The following PRMT8 variants were observed in gnomAD, a reference collection of about 807,000 sequenced individuals.
The protein encoded by PRMT8 is protein arginine N-methyltransferase 8.
A neutral mutation model predicts 47.1 loss-of-function variants in PRMT8; 7 were observed. The observed-to-expected ratio is 0.15, with a 90% CI of 0.08 to 0.28. PRMT8 has a LOEUF of 0.28. PRMT8 is among the 10% of genes least tolerant of loss of function. PRMT8 has a pLI of 1.00. For synonymous variants in PRMT8, 188 were observed against 186.5 expected, an observed-to-expected ratio of 1.01 and a Z score of -0.07; for missense variants, 237 against 505.4, an observed-to-expected ratio of 0.47 and a Z score of 5.09.
At chr12:3,398,320 C>T (rs1246451639) in intron 1 of PRMT8, among the ~76,000 whole-genome samples, 9 of 152,076 alleles carry the variant, frequency 5.9e-5, no homozygotes, top group African/African-American at 2.2e-4. Context: ...GGGATTCAGC[C>T]CATTAGGTTT....
At chr12:3,469,281 A>T (rs894287665) in intron 1 of PRMT8, 7 of 432,054 alleles carry the variant, frequency 1.6e-5, no homozygotes, top group Non-Finnish European at 3.2e-5. Flanking sequence ...CACGACCCCC[A>T]CCAAAGCCCA....
intron 1 of PRMT8, among the ~76,000 whole-genome samples, chr12:3,427,490 A>AT (rs1466375440): frequency 6.6e-6 from 1 of 152,136 alleles, no homozygotes; most frequent in African/African-American, 2.4e-5. Context: ...TCAAAACAAA[A>AT]TTTTTTAACC....
In PRMT8 at chr12:3,550,160, G is replaced by C. The variant is rs904251975; in HGVS notation, c.417+69G>C. On this transcript the variant is annotated intron_variant, in intron 3 of 9. Transcript: ENST00000382622. The surrounding 1 kb of genome is among the most constrained non-coding windows in gnomAD (Gnocchi z 5.1). Reference sequence around the variant, plus strand: ...AGCCTCTTGCCCTCTGCCTCCACCCGCCCTTCTAGAAGTACAAAATTTGGT... The same window carrying C: ...AGCCTCTTGCCCTCTGCCTCCACCCCCCCTTCTAGAAGTACAAAATTTGGT... The C allele has an allele frequency of 5.1e-6, 8 of 1,581,282 alleles. No homozygotes were observed. Among genetic ancestry groups the C allele is most frequent in the Non-Finnish European group, 6.9e-6 (8 of 1,158,016 alleles).
At chr12:3,391,057 G>A (rs1227680382) in intron 1 of PRMT8, among the ~76,000 whole-genome samples, 1 of 152,186 alleles carries the variant, frequency 6.6e-6, no homozygotes, top group Non-Finnish European at 1.5e-5. Context: ...TGGGCTCTGA[G>A]GGGATTCACC....
chr12:3,441,744 A>G (rs1210753067), intron 1 of PRMT8, among the ~76,000 whole-genome samples: 1 of 152,248 alleles, frequency 6.6e-6, no homozygotes, highest in East Asian at 1.9e-4. Flanking sequence ...TATTCGTGCA[A>G]TGTAATTGGG....
intron 1 of PRMT8, among the ~76,000 whole-genome samples, chr12:3,400,542 A>G (rs1163593140): frequency 6.6e-6 from 1 of 152,214 alleles, no homozygotes; most frequent in Admixed American, 6.5e-5. Flanking sequence ...GAAAAAGCCC[A>G]GGACCAGAGG....
At chr12:3,507,875 C>T (rs1351367237) in intron 1 of PRMT8, among the ~76,000 whole-genome samples, 2 of 151,768 alleles carry the variant, frequency 1.3e-5, no homozygotes, top group African/African-American at 4.8e-5. Flanking sequence ...TCCCCTGCCT[C>T]AGCCTCCTGA....
chr12:3,542,146 C>T (rs892645453), intron 2 of PRMT8, among the ~76,000 whole-genome samples: 1 of 152,098 alleles, frequency 6.6e-6, no homozygotes, highest in Non-Finnish European at 1.5e-5. Context: ...GGAAGGAGGC[C>T]CCCCAGTTAC....
intron 1 of PRMT8, among the ~76,000 whole-genome samples, chr12:3,475,039 C>A (rs561921270): frequency 1.3e-5 from 2 of 152,204 alleles, no homozygotes; most frequent in Admixed American, 1.3e-4. Context: ...AGGGCAGGCT[C>A]CTAGCAGCAT....
intron 1 of PRMT8, among the ~76,000 whole-genome samples, chr12:3,381,755 A>G (rs966963986): frequency 3.3e-5 from 5 of 152,180 alleles, no homozygotes; most frequent in African/African-American, 1.2e-4. Context: ...TCACCTTGCA[A>G]GACTATAGCA....
chr12:3,472,779 G>A (rs1039168582), intron 1 of PRMT8, among the ~76,000 whole-genome samples: 7 of 152,094 alleles, frequency 4.6e-5, no homozygotes, highest in African/African-American at 1.4e-4. Flanking sequence ...AAATGAATGG[G>A]AGGTCCAAAG....
intron 3 of PRMT8, chr12:3,551,460 T>C (rs1591597980): frequency 1.3e-5 from 2 of 152,444 alleles, no homozygotes; most frequent in East Asian, 3.9e-4. Context: ...AGTCCTCTGG[T>C]GACCCCCACG....
At chr12:3,420,970 C>A (rs909008420) in intron 1 of PRMT8, among the ~76,000 whole-genome samples, 1 of 152,156 alleles carries the variant, frequency 6.6e-6, no homozygotes, top group Admixed American at 6.5e-5. Context: ...TGTTTTCAGT[C>A]GAGCTGGAAC....
At chr12:3,571,514 G>A (rs1025348848) in intron 6 of PRMT8, among the ~76,000 whole-genome samples, 1 of 152,156 alleles carries the variant, frequency 6.6e-6, no homozygotes, top group African/African-American at 2.4e-5. Flanking sequence ...TATGCACATT[G>A]CAATGAGCCA....
At chr12:3,553,926 G>A (rs541509642) in intron 4 of PRMT8, among the ~76,000 whole-genome samples, 6 of 152,238 alleles carry the variant, frequency 3.9e-5, no homozygotes, top group South Asian at 2.1e-4. Flanking sequence ...CCCCCTCTCC[G>A]CTTTTGGCAA....
At chr12:3,469,930 G>A (rs1215373602) in intron 1 of PRMT8, among the ~76,000 whole-genome samples, 4 of 152,148 alleles carry the variant, frequency 2.6e-5, no homozygotes, top group South Asian at 2.1e-4. Flanking sequence ...GCATCGCCAC[G>A]TGCTGGCCAA....
chr12:3,585,300 C>CAA, intron 8 of PRMT8, among the ~76,000 whole-genome samples: 1 of 138,676 alleles, frequency 7.2e-6, no homozygotes, highest in Non-Finnish European at 1.5e-5. Context: ...TACCAGAAAT[C>CAA]GAGGACATGA....
rs899612429 is a variant in PRMT8, at chr12:3,532,396, G to A, written c.76-8210G>A. On this transcript the variant is annotated intron_variant, in intron 1 of 9. Transcript: ENST00000382622. ...AGGCCGAGGCAGGTGGATCACCTGA[G>A]GTCAGGAGTTCGAGACCAGCCTGGC... Among the ~76,000 whole-genome samples the A allele has an allele frequency of 3.3e-5, 5 of 150,430 alleles. No individual in the cohort carries two copies. In the East Asian group the frequency reaches 9.7e-4, roughly 29 times the overall value.
chr12:3,413,933 C>T (rs542561416), intron 1 of PRMT8, among the ~76,000 whole-genome samples: 33 of 152,146 alleles, frequency 2.2e-4, no homozygotes, highest in Non-Finnish European at 3.4e-4. Context: ...ACTTGAACAA[C>T]GACAGATTTT....
Sources: gnomAD v4.1 joint callset for allele counts (sites outside exome capture counted in the v4.1 genomes callset) on GRCh38, gnomAD v4.1.1 for gene constraint, Gnocchi (gnomAD v3.1) non-coding constraint, MANE v1.5 for transcripts, NCBI Gene and HGNC (gene_info 2026-07-23, HGNC 2026-07-21) for gene names.